AK5: variants seen among roughly 807,000 people sequenced by gnomAD.
The protein encoded by AK5 is adenylate kinase isoenzyme 5.
In AK5, 27 loss-of-function variants were observed where a neutral mutation model predicts 69.5. That is an observed-to-expected ratio of 0.39 (90% CI 0.29 to 0.54). AK5 has a LOEUF of 0.54. AK5 is among the 20% of genes least tolerant of loss of function. The pLI, the probability that AK5 is intolerant of heterozygous loss-of-function variation, is 0.71. For synonymous variants in AK5, 260 were observed against 244.4 expected (o/e 1.06, Z -0.60); for missense variants, 531 against 700.4 (o/e 0.76, Z 2.73).
At chr1:77,466,314 C>A (rs1252375225) in intron 8 of AK5, among the ~76,000 whole-genome samples, 1 of 152,202 alleles carries the variant, frequency 6.6e-6, no homozygotes, top group Non-Finnish European at 1.5e-5. Context: ...CAGATCAGAG[C>A]TCCTGTTTTA....
intron 6 of AK5, among the ~76,000 whole-genome samples, chr1:77,404,478 C>G (rs1470545114): frequency 2.0e-5 from 3 of 152,136 alleles, no homozygotes; most frequent in Non-Finnish European, 4.4e-5. Context: ...GTTCTCCCTT[C>G]ACCATACACA....
At chr1:77,338,907 C>T (rs908650063) in intron 5 of AK5, among the ~76,000 whole-genome samples, 9 of 152,138 alleles carry the variant, frequency 5.9e-5, no homozygotes, top group African/African-American at 2.2e-4. Context: ...CAGATAAGGA[C>T]ATAGAGGTTT....
chr1:77,543,138 A>G (rs1051669652), intron 13 of AK5, among the ~76,000 whole-genome samples: 6 of 152,234 alleles, frequency 3.9e-5, no homozygotes, highest in Non-Finnish European at 8.8e-5. Flanking sequence ...GAGAAGCCCT[A>G]TGAATTGAGG....
intron 10 of AK5, among the ~76,000 whole-genome samples, chr1:77,504,018 T>C (rs888859829): frequency 6.6e-6 from 1 of 152,186 alleles, no homozygotes; most frequent in Non-Finnish European, 1.5e-5. Flanking sequence ...TGAAGACATA[T>C]ACACTTTTCT....
intron 6 of AK5, among the ~76,000 whole-genome samples, chr1:77,394,436 C>T (rs952202075): frequency 1.3e-5 from 2 of 152,252 alleles, no homozygotes; most frequent in East Asian, 3.9e-4. Flanking sequence ...TCCTCCTTCC[C>T]TCTCTGGGAC....
chr1:77,510,202 T>G (rs1288032406), intron 10 of AK5, among the ~76,000 whole-genome samples: 2 of 152,126 alleles, frequency 1.3e-5, no homozygotes, highest in Admixed American at 1.3e-4. Context: ...CCAGGTTCTG[T>G]GGGGATGCCA....
At chr1:77,367,066 G>C (rs1037350403) in intron 6 of AK5, among the ~76,000 whole-genome samples, 25 of 152,244 alleles carry the variant, frequency 1.6e-4, no homozygotes, top group African/African-American at 5.8e-4. Context: ...AGGCAAACTT[G>C]TGAGGTGTAT....
At chr1:77,302,932 T>C (rs539364038) in intron 5 of AK5, among the ~76,000 whole-genome samples, 1 of 152,304 alleles carries the variant, frequency 6.6e-6, no homozygotes, top group Non-Finnish European at 1.5e-5. Flanking sequence ...ACAGGGGTTA[T>C]CAATTTTCCA....
intron 8 of AK5, among the ~76,000 whole-genome samples, chr1:77,471,516 A>G (rs1223039216): frequency 2.6e-5 from 4 of 152,208 alleles, no homozygotes; most frequent in African/African-American, 7.2e-5. Context: ...CCCCACTGCA[A>G]TAGTACTGAC....
intron 5 of AK5, among the ~76,000 whole-genome samples, chr1:77,299,377 A>G (rs1021644467): frequency 9.9e-5 from 15 of 151,708 alleles, no homozygotes; most frequent in African/African-American, 3.6e-4. Context: ...ATCGTATTAA[A>G]CAGTATTAAG....
chr1:77,386,924 TGTAA>T (rs1281553656), intron 6 of AK5, among the ~76,000 whole-genome samples: 2 of 152,190 alleles, frequency 1.3e-5, no homozygotes, highest in African/African-American at 4.8e-5. Context: ...CTCTCTCACA[TGTAA>T]GTGAGAACAT....
chr1:77,374,016 T>C (rs774971262), intron 6 of AK5, among the ~76,000 whole-genome samples: 13 of 152,182 alleles, frequency 8.5e-5, no homozygotes, highest in Non-Finnish European at 1.3e-4. Flanking sequence ...AATACATATA[T>C]AGAGTAAATG....
chr1:77,388,567 T>TTTGTTGTTG (rs3032910), intron 6 of AK5, among the ~76,000 whole-genome samples: 89 of 151,192 alleles, frequency 5.9e-4, no homozygotes, highest in Non-Finnish European at 1.1e-3. Context: ...TTTTGGTTGT[T>TTTGTTGTTG]TTGTTGTTGT....
At position 77,558,614 on chromosome 1, in the gene AK5, G is replaced by C; in HGVS notation, c.1633G>C (p.Gly545Arg). 1.9e-6 allele frequency: 3 copies of C among 1,595,270 alleles called. No homozygotes were observed. The East Asian group carries it at 6.7e-5, about 36-fold the overall frequency. Reference protein sequence around the residue: ...KTQLHKINAEGTPEDVFLQLC... With the variant: ...KTQLHKINAERTPEDVFLQLC... ...CTTTTAAATATAGATAAATGCAGAG[G>C]GAACACCAGAGGACGTTTTTCTTCA... The change falls in exon 14 of 14, where the codon GGA becomes CGA. Residue 545 changes from glycine to arginine, a missense_variant. By Grantham distance (125) the Gly-to-Arg change is moderately radical. Coordinates refer to ENST00000354567, the MANE Select transcript of AK5 (RefSeq NM_174858.3).
At chr1:77,315,422 C>A (rs6661765) in intron 5 of AK5, among the ~76,000 whole-genome samples, 16,342 of 151,954 alleles carry the variant, frequency 0.11, 1,187 homozygotes, top group East Asian at 0.2. Flanking sequence ...GGTGAAATAA[C>A]CAATAATTTT....
intron 8 of AK5, among the ~76,000 whole-genome samples, chr1:77,445,910 G>A (rs186473036): frequency 2.5e-3 from 376 of 152,050 alleles, no homozygotes; most frequent in African/African-American, 8.6e-3. Flanking sequence ...TTATTGTTTC[G>A]TTCACTGTGC....
At chr1:77,489,775 G>C (rs1329379267) in intron 10 of AK5, among the ~76,000 whole-genome samples, 1 of 152,064 alleles carries the variant, frequency 6.6e-6, no homozygotes, top group African/African-American at 2.4e-5. Context: ...GATCCTTTTT[G>C]TCCACAGAAA....
At chr1:77,491,388 C>T (rs1270402527) in intron 10 of AK5, among the ~76,000 whole-genome samples, 1 of 141,354 alleles carries the variant, frequency 7.1e-6, no homozygotes, top group African/African-American at 2.7e-5. Flanking sequence ...CTCACTGCAA[C>T]CTCCGCCTTC....
chr1:77,357,992 A>AGTGTGTGTGTGTGTGTGTGTGTGT lies in AK5; in HGVS notation c.891+17428_891+17451dup, dbSNP rs10643921. ...AAAACATGTAATATTTATGGAGAGT[A>AGTGTGTGTGTGTGTGTGTGTGTGT]GTGTGTGTGTGTGTGTGTGTGTGTG... On this transcript the variant is annotated intron_variant, in intron 6 of 13. Transcript: ENST00000354567. Among the ~76,000 whole-genome samples, 182 of 121,110 alleles carry AGTGTGTGTGTGTGTGTGTGTGTGT rather than the reference A, an allele frequency of 1.5e-3. 1 individual carries two copies. The highest frequency in any genetic ancestry group is 3.1e-3 in the East Asian group (12 of 3,830). 79.5% of individuals were successfully genotyped at this position (121,110 alleles called of 152,430 possible).
Sources: gnomAD v4.1 joint callset for allele counts (sites outside exome capture counted in the v4.1 genomes callset) on GRCh38, gnomAD v4.1.1 for gene constraint, MANE v1.5 for transcripts, NCBI Gene and HGNC (gene_info 2026-07-23, HGNC 2026-07-21) for gene names.